The following NALF1 variants were observed in gnomAD, a reference collection of about 807,000 sequenced individuals.
The protein encoded by NALF1 is family with sequence similarity 155 member A.
In NALF1, 3 loss-of-function variants were observed where a neutral mutation model predicts 48.4. That is an observed-to-expected ratio of 0.06 (90% CI 0.03 to 0.16). The LOEUF is 0.16. NALF1 is among the 10% of genes least tolerant of loss of function. NALF1 has a pLI of 1.00. For synonymous variants in NALF1, 262 were observed against 245.7 expected, an observed-to-expected ratio of 1.07 and a Z score of -0.62; for missense variants, 526 against 571.5, an observed-to-expected ratio of 0.92 and a Z score of 0.81.
At chr13:107,524,692 T>C (rs1320447) in intron 1 of NALF1, among the ~76,000 whole-genome samples, 89,774 of 151,880 alleles carry the variant, frequency 0.59, 28,863 homozygotes, top group Non-Finnish European at 0.7. Flanking sequence ...GGTACAGAGA[T>C]AGTAACTCAA....
chr13:107,537,121 C>A (rs1156253029), intron 1 of NALF1, among the ~76,000 whole-genome samples: 1 of 151,954 alleles, frequency 6.6e-6, no homozygotes, highest in Non-Finnish European at 1.5e-5. Flanking sequence ...AGAAGATATA[C>A]CTAATGTAAA....
intron 1 of NALF1, among the ~76,000 whole-genome samples, chr13:107,778,586 G>T (rs1446103436): frequency 1.3e-5 from 2 of 150,990 alleles, no homozygotes; most frequent in Non-Finnish European, 3.0e-5. Context: ...AACAGGAGTT[G>T]TTTTTTTTCT....
At position 107,177,818 on chromosome 13, in the gene NALF1, G is replaced by A. The variant is rs115243599; in HGVS notation, c.1088-7032C>T. On this transcript the variant is annotated intron_variant, in intron 2 of 2. Coordinates refer to ENST00000375915, the MANE Select transcript of NALF1 (RefSeq NM_001080396.3). ...TAACCCTAGCACTTTGGGAGTCCAAGGCAGATGGATCATTTGAGGCCAGGA... is the reference window on the plus strand; with the variant it reads ...TAACCCTAGCACTTTGGGAGTCCAAAGCAGATGGATCATTTGAGGCCAGGA... 4.0e-3 allele frequency among the ~76,000 whole-genome samples: 605 copies of A among 152,336 alleles called. 5 individuals carry two copies. Among genetic ancestry groups the A allele is most frequent in the African/African-American group, 0.013 (557 of 41,574 alleles).
At chr13:107,606,460 G>A (rs2138428593) in intron 1 of NALF1, among the ~76,000 whole-genome samples, 1 of 151,988 alleles carries the variant, frequency 6.6e-6, no homozygotes, top group East Asian at 2.0e-4. Flanking sequence ...CTGCCTCCAG[G>A]GTTCAAGCGA....
chr13:107,311,606 T>C (rs1882047883), intron 1 of NALF1, among the ~76,000 whole-genome samples: 1 of 151,474 alleles, frequency 6.6e-6, no homozygotes, highest in African/African-American at 2.4e-5. Flanking sequence ...ATCATCACAA[T>C]AGAGTTTCCC....
intron 1 of NALF1, among the ~76,000 whole-genome samples, chr13:107,715,599 A>G (rs1875731119): frequency 6.6e-6 from 1 of 152,188 alleles, no homozygotes; most frequent in South Asian, 2.1e-4. Context: ...TTTCAGATTC[A>G]TGTGATGAGC....
At chr13:107,290,174 C>CAA (rs35974424) in intron 1 of NALF1, among the ~76,000 whole-genome samples, 10 of 65,886 alleles carry the variant, frequency 1.5e-4, no homozygotes, top group African/African-American at 4.4e-4. Flanking sequence ...CACAAACCAG[C>CAA]AAAAAAAAAA....
chr13:107,281,873 A>T (rs1251538843), intron 1 of NALF1, among the ~76,000 whole-genome samples: 1 of 152,204 alleles, frequency 6.6e-6, no homozygotes, highest in Non-Finnish European at 1.5e-5. Context: ...GTCAGATCTT[A>T]TGAGAATTCA....
chr13:107,536,519 C>T (rs1307124892), intron 1 of NALF1, among the ~76,000 whole-genome samples: 5 of 152,136 alleles, frequency 3.3e-5, no homozygotes, highest in African/African-American at 1.2e-4. Context: ...CAAATCAAAA[C>T]TACAATGAGA....
At chr13:107,614,963 G>A (rs1185514330) in intron 1 of NALF1, among the ~76,000 whole-genome samples, 2 of 151,788 alleles carry the variant, frequency 1.3e-5, no homozygotes, top group African/African-American at 4.8e-5. Context: ...TTTTAGTAGA[G>A]AAGAGGTTTC....
chr13:107,239,535 T>G (rs948397667), intron 1 of NALF1, among the ~76,000 whole-genome samples: 6 of 152,240 alleles, frequency 3.9e-5, no homozygotes, highest in African/African-American at 1.4e-4. Flanking sequence ...CACGGTCACA[T>G]TCACAAGGAC....
chr13:107,180,427 C>T (rs943665196), intron 2 of NALF1, among the ~76,000 whole-genome samples: 2 of 151,878 alleles, frequency 1.3e-5, no homozygotes, highest in Non-Finnish European at 1.5e-5. Context: ...ATCTTTATCT[C>T]AGTAATTTAC....
chr13:107,178,461 C>T (rs112613323), intron 2 of NALF1, among the ~76,000 whole-genome samples: 106 of 152,280 alleles, frequency 7.0e-4, no homozygotes, highest in African/African-American at 2.3e-3. Flanking sequence ...AAGTGCTCAA[C>T]ACAATTGATC....
At chr13:107,441,349 A>G (rs58157982) in intron 1 of NALF1, among the ~76,000 whole-genome samples, 3,949 of 152,352 alleles carry the variant, frequency 0.026, 184 homozygotes, top group African/African-American at 0.09. Flanking sequence ...TGAGGAATTT[A>G]ACCTGAGGTA....
Position 107,213,998 on chromosome 13 carries a change from C to T in NALF1, c.916-3243G>A, listed in dbSNP as rs377209649. On this transcript the variant is annotated intron_variant, in intron 1 of 2. Coordinates refer to ENST00000375915, the MANE Select transcript of NALF1 (RefSeq NM_001080396.3). ...GAAAAAACAAACAGGTAGCTACCAG[C>T]GTGATATAAAGACGAGCTTTCCTGC... 8.8e-4 allele frequency among the ~76,000 whole-genome samples: 134 copies of T among 152,160 alleles called. 4 individuals are homozygous for T. In the South Asian group the frequency reaches 0.027, roughly 30 times the overall value.
chr13:107,524,210 C>A (rs988140781), intron 1 of NALF1, among the ~76,000 whole-genome samples: 3 of 152,032 alleles, frequency 2.0e-5, no homozygotes, highest in African/African-American at 4.8e-5. Context: ...ATGAAAATTT[C>A]TATTCCAACA....
chr13:107,825,453 C>T (rs1380381250), intron 1 of NALF1, among the ~76,000 whole-genome samples: 1 of 152,210 alleles, frequency 6.6e-6, no homozygotes, highest in African/African-American at 2.4e-5. Flanking sequence ...AATCTGTCAT[C>T]AGAATCTTCT....
chr13:107,351,635 A>C (rs1050488906), intron 1 of NALF1, among the ~76,000 whole-genome samples: 6 of 152,322 alleles, frequency 3.9e-5, no homozygotes, highest in Admixed American at 3.9e-4. Flanking sequence ...CTTTTTGCTA[A>C]TAAAAGCTTC....
chr13:107,746,765 C>A (rs1876792238), intron 1 of NALF1, among the ~76,000 whole-genome samples: 1 of 152,184 alleles, frequency 6.6e-6, no homozygotes, highest in South Asian at 2.1e-4. Context: ...TCTGGCCCCT[C>A]TTTTCTGTTC....
Sources: allele counts gnomAD v4.1 joint callset (sites outside exome capture counted in the v4.1 genomes callset), GRCh38; gene constraint gnomAD v4.1.1; transcripts MANE v1.5; gene names NCBI Gene and HGNC (gene_info 2026-07-23, HGNC 2026-07-21).